ZFTRAF1: variants seen among roughly 807,000 people sequenced by gnomAD.
The protein encoded by ZFTRAF1 is zinc finger TRAF-type and ring finger containing 1.
At chr8:144,453,742 AGCCAC>A in the ZFTRAF1 span, 1 of 376,284 alleles carries the variant, frequency 2.7e-6, no homozygotes, top group African/African-American at 2.0e-5. Flanking sequence ...TGACGGGTTC[AGCCAC>A]CTGGGGCCGA....
chr8:144,451,046 C>A, the ZFTRAF1 span: 1 of 405,764 alleles, frequency 2.5e-6, no homozygotes, highest in Non-Finnish European at 4.5e-6. Flanking sequence ...GCGTGCCCGA[C>A]CCACGCTGGC....
the ZFTRAF1 span, among the ~76,000 whole-genome samples, chr8:144,458,240 G>A: frequency 2.6e-5 from 4 of 152,224 alleles, no homozygotes; most frequent in Non-Finnish European, 5.9e-5. Context: ...ACCTCAAACG[G>A]TGGCCAATCA....
the ZFTRAF1 span, chr8:144,450,787 G>A: frequency 2.9e-6 from 2 of 683,798 alleles, no homozygotes; most frequent in Non-Finnish European, 5.5e-6. Flanking sequence ...AGACAGACAG[G>A]GCCGGAAAGA....
chr8:144,453,356 G>T, the ZFTRAF1 span: 6 of 1,551,070 alleles, frequency 3.9e-6, no homozygotes, highest in Non-Finnish European at 4.4e-6. Flanking sequence ...GGCTCTTACT[G>T]ATCTCACAAC....
At chr8:144,459,391 C>T in the ZFTRAF1 span, among the ~76,000 whole-genome samples, 2 of 152,254 alleles carry the variant, frequency 1.3e-5, no homozygotes, top group Non-Finnish European at 2.9e-5. Context: ...ATCTAACACC[C>T]ACACAGAGAA....
the ZFTRAF1 span, chr8:144,462,350 TC>T: frequency 2.0e-6 from 1 of 496,076 alleles, no homozygotes; most frequent in South Asian, 2.9e-5. Context: ...GAGCCGCTCC[TC>T]CAGTTTCCCG....
chr8:144,462,255 C>CCGGGT, the ZFTRAF1 span: 7 of 536,464 alleles, frequency 1.3e-5, no homozygotes, highest in South Asian at 4.2e-5. Flanking sequence ...CCGGGCTGGG[C>CCGGGT]CGGGTCGGGG....
At chr8:144,453,105 C>G in the ZFTRAF1 span, 1 of 928,416 alleles carries the variant, frequency 1.1e-6, no homozygotes, top group East Asian at 2.6e-5. Flanking sequence ...AGGTGGTCCC[C>G]AAGGCCCAGA....
At chr8:144,461,912 G>A in the ZFTRAF1 span, among the ~76,000 whole-genome samples, 1 of 152,150 alleles carries the variant, frequency 6.6e-6, no homozygotes, top group Admixed American at 6.5e-5. Context: ...GGGTTGCGGG[G>A]AGCAGTTGCG....
chr8:144,458,962 G>A, the ZFTRAF1 span, among the ~76,000 whole-genome samples: 2 of 152,244 alleles, frequency 1.3e-5, no homozygotes, highest in Non-Finnish European at 2.9e-5. Flanking sequence ...CCCCATGAGG[G>A]GTGGGAACAA....
At chr8:144,459,023 G>A in the ZFTRAF1 span, among the ~76,000 whole-genome samples, 1 of 152,274 alleles carries the variant, frequency 6.6e-6, no homozygotes, top group African/African-American at 2.4e-5. Context: ...GGCCTCATCT[G>A]ACAGCAGCAG....
the ZFTRAF1 span, chr8:144,454,893 T>C: frequency 6.6e-6 from 1 of 152,304 alleles, no homozygotes; most frequent in Non-Finnish European, 1.5e-5. Flanking sequence ...GGACTAGGCC[T>C]AAGGCCTGCT....
the ZFTRAF1 span, among the ~76,000 whole-genome samples, chr8:144,458,529 C>G: frequency 2.6e-5 from 4 of 152,160 alleles, no homozygotes; most frequent in African/African-American, 9.7e-5. Flanking sequence ...GTGACTCCAC[C>G]CCCCCAGGAC....
chr8:144,455,556 G>GTC, the ZFTRAF1 span: 1 of 152,074 alleles, frequency 6.6e-6, no homozygotes, highest in African/African-American at 2.4e-5. Context: ...TCCTCTCACA[G>GTC]CCCCCCGCCC....
the ZFTRAF1 span, among the ~76,000 whole-genome samples, chr8:144,460,627 A>C: frequency 1.3e-5 from 2 of 152,242 alleles, no homozygotes; most frequent in Non-Finnish European, 2.9e-5. Context: ...TCATGCCTGT[A>C]ATCTCAGCAC....
At chr8:144,458,338 C>G in the ZFTRAF1 span, among the ~76,000 whole-genome samples, 1 of 152,228 alleles carries the variant, frequency 6.6e-6, no homozygotes, top group African/African-American at 2.4e-5. Context: ...ACAAAAATTC[C>G]AACTAGCCAG....
chr8:144,452,393 G>C, the ZFTRAF1 span: 1 of 1,550,140 alleles, frequency 6.5e-7, no homozygotes, highest in African/African-American at 1.4e-5. Flanking sequence ...TGAGCAGGCT[G>C]AAGATGCTGT....
chr8:144,460,029 A>G, the ZFTRAF1 span, among the ~76,000 whole-genome samples: 2 of 152,164 alleles, frequency 1.3e-5, no homozygotes, highest in Admixed American at 6.5e-5. Flanking sequence ...GGCCCACACC[A>G]TCTGTGCCCA....
At chr8:144,450,353 C>G in the ZFTRAF1 span, 1 of 705,386 alleles carries the variant, frequency 1.4e-6, no homozygotes, top group African/African-American at 1.8e-5. Flanking sequence ...CGCCCGTGGG[C>G]TCCTCGGACA....
Sources: gnomAD v4.1 joint callset for allele counts (sites outside exome capture counted in the v4.1 genomes callset) on GRCh38, gnomAD v4.1.1 for gene constraint, MANE v1.5 for transcripts, NCBI Gene and HGNC (gene_info 2026-07-23, HGNC 2026-07-21) for gene names.